The following UNC5C variants were observed in gnomAD, a reference collection of about 807,000 sequenced individuals.
UNC5C encodes netrin receptor UNC5C.
Under a neutral mutation model 99.8 loss-of-function variants are expected in UNC5C, and 47 were observed. The ratio of observed to expected loss-of-function variants is 0.47; its 90% CI spans 0.37 to 0.60. The LOEUF (loss-of-function observed/expected upper bound fraction) is 0.60. Ranked by LOEUF, UNC5C falls within the 20% of genes least tolerant of loss-of-function variation. The pLI is 0.00. For synonymous variants in UNC5C, 487 were observed against 452.2 expected (o/e 1.08, Z -0.98); for missense variants, 1,062 against 1,165.9 (o/e 0.91, Z 1.30).
At chr4:95,203,005 G>T (rs749625554) in intron 11 of UNC5C, 41 bp from the exon 12 acceptor site, 1 of 1,601,336 alleles carries the variant, frequency 6.2e-7, no homozygotes, top group Non-Finnish European at 8.5e-7. Context: ...AGTCACCCAG[G>T]ACGCATGCCG....
At chr4:95,494,044 C>T (rs546239718) in intron 1 of UNC5C, among the ~76,000 whole-genome samples, 1 of 151,478 alleles carries the variant, frequency 6.6e-6, no homozygotes, top group South Asian at 2.1e-4. Flanking sequence ...ATTAAAACTG[C>T]AGGAATCAGT....
At chr4:95,452,247 A>G (rs1329748825) in intron 1 of UNC5C, among the ~76,000 whole-genome samples, 1 of 133,936 alleles carries the variant, frequency 7.5e-6, no homozygotes, top group Non-Finnish European at 1.6e-5. Context: ...TTTGCATATA[A>G]CTTTCTGATA....
chr4:95,441,566 A>C (rs1746951445), intron 1 of UNC5C, among the ~76,000 whole-genome samples: 1 of 152,162 alleles, frequency 6.6e-6, no homozygotes, highest in African/African-American at 2.4e-5. Flanking sequence ...TCTTTATTCT[A>C]AGTAACTCTG....
Position 95,282,399 on chromosome 4 carries a change from T to C in UNC5C, c.491-4037A>G, listed in dbSNP as rs369653439. Among the ~76,000 whole-genome samples, 46 of 152,154 alleles carry C rather than the reference T, an allele frequency of 3.0e-4. No homozygotes were observed. The South Asian group carries it at 8.7e-3, about 29-fold the overall frequency. Reference sequence around the variant, plus strand: ...GAGGAGTGGCCAGGAAGTGGGGAAATGACCATTCTGGGTACTGTAGGGGCG... The same window carrying C: ...GAGGAGTGGCCAGGAAGTGGGGAAACGACCATTCTGGGTACTGTAGGGGCG... On this transcript the variant is annotated intron_variant, in intron 3 of 15. Transcript: ENST00000453304.
intron 1 of UNC5C, among the ~76,000 whole-genome samples, chr4:95,445,186 G>A (rs1338284025): frequency 6.6e-6 from 1 of 152,040 alleles, no homozygotes; most frequent in Non-Finnish European, 1.5e-5. Context: ...CAATTTTCAG[G>A]GGATGATTTG....
At chr4:95,257,209 C>A (rs563119000) in intron 4 of UNC5C, among the ~76,000 whole-genome samples, 1 of 152,120 alleles carries the variant, frequency 6.6e-6, no homozygotes, top group Non-Finnish European at 1.5e-5. Flanking sequence ...TTACAACCAG[C>A]CTGGACAACA....
intron 1 of UNC5C, among the ~76,000 whole-genome samples, chr4:95,433,621 G>A (rs917726538): frequency 1.2e-4 from 18 of 151,730 alleles, no homozygotes; most frequent in African/African-American, 3.4e-4. Flanking sequence ...CCCAAGAACC[G>A]TCCCAGTAAA....
chr4:95,410,223 C>T (rs981998275), intron 1 of UNC5C, among the ~76,000 whole-genome samples: 3 of 152,112 alleles, frequency 2.0e-5, no homozygotes, highest in African/African-American at 7.2e-5. Context: ...TGGACTGATG[C>T]ACCTCTTAAT....
intron 7 of UNC5C, among the ~76,000 whole-genome samples, chr4:95,226,177 T>C (rs1738681043): frequency 6.6e-6 from 1 of 152,218 alleles, no homozygotes; most frequent in African/African-American, 2.4e-5. Context: ...CAGTTAACTT[T>C]CCTGCTACTT....
chr4:95,414,123 C>T (rs910660415), intron 1 of UNC5C, among the ~76,000 whole-genome samples: 1 of 152,192 alleles, frequency 6.6e-6, no homozygotes, highest in African/African-American at 2.4e-5. Context: ...GTAAGTAAAT[C>T]TGAAATTAAG....
At chr4:95,274,226 C>A (rs59375003) in intron 4 of UNC5C, among the ~76,000 whole-genome samples, 1,805 of 152,122 alleles carry the variant, frequency 0.012, 36 homozygotes, top group African/African-American at 0.041. Context: ...GCCAGGTATT[C>A]GATGTGGAAA....
At chr4:95,492,250 A>C (rs1009099500) in intron 1 of UNC5C, among the ~76,000 whole-genome samples, 16 of 151,436 alleles carry the variant, frequency 1.1e-4, no homozygotes, top group African/African-American at 3.9e-4. Flanking sequence ...CCGAGTAGCC[A>C]AGATTATGAT....
intron 2 of UNC5C, among the ~76,000 whole-genome samples, chr4:95,320,785 A>G (rs1025868232): frequency 2.0e-5 from 3 of 152,178 alleles, no homozygotes; most frequent in African/African-American, 7.2e-5. Context: ...AAACACACAC[A>G]TGTGTGTCTG....
At chr4:95,185,587 G>T (rs1022297356) in intron 12 of UNC5C, among the ~76,000 whole-genome samples, 3 of 152,126 alleles carry the variant, frequency 2.0e-5, no homozygotes, top group Non-Finnish European at 4.4e-5. Context: ...TAAGAAAGTA[G>T]ATTTTCAATT....
At chr4:95,225,845 A>G (rs1738666476) in intron 7 of UNC5C, among the ~76,000 whole-genome samples, 1 of 152,158 alleles carries the variant, frequency 6.6e-6, no homozygotes, top group African/African-American at 2.4e-5. Flanking sequence ...ATCCCTGTAA[A>G]ACTTTTTCCA....
chr4:95,329,495 T>C (rs1023519349), intron 2 of UNC5C, among the ~76,000 whole-genome samples: 2 of 152,178 alleles, frequency 1.3e-5, no homozygotes, highest in African/African-American at 4.8e-5. Context: ...AAAGATTGTA[T>C]CAATTTAAAC....
At chr4:95,311,433 T>A (rs1742273054) in intron 2 of UNC5C, among the ~76,000 whole-genome samples, 1 of 152,252 alleles carries the variant, frequency 6.6e-6, no homozygotes, top group Non-Finnish European at 1.5e-5. Context: ...CATATTTGAA[T>A]GTATATTCCA....
chr4:95,219,259 G>T lies in UNC5C; in HGVS notation c.1355C>A (p.Pro452His). 1 of 1,614,184 alleles carries T rather than the reference G, an allele frequency of 6.2e-7. No homozygotes were observed. The highest frequency in any genetic ancestry group is 8.5e-7 in the Non-Finnish European group (1 of 1,180,014). ...LTSAAAMYRG[P>H]VYALHDVSDK... Reference sequence around the variant, plus strand: ...TGAGACGTCATGCAGGGCATAGACAGGTCCTCTGTACATGGCTGCAGCTGA... The same window carrying T: ...TGAGACGTCATGCAGGGCATAGACATGTCCTCTGTACATGGCTGCAGCTGA... The change falls in exon 9 of 16, where the codon CCT becomes CAT. Residue 452 changes from proline (P) to histidine (H), a missense_variant. Physicochemically the swap from Pro to His is moderately conservative, Grantham distance 77. This residue lies in a region of UNC5C where 810 missense variants were observed against 854.5 expected (regional missense o/e 0.95). Coordinates refer to ENST00000453304, the MANE Select transcript of UNC5C (RefSeq NM_003728.4).
At chr4:95,327,595 C>A (rs1307144463) in intron 2 of UNC5C, among the ~76,000 whole-genome samples, 1 of 152,042 alleles carries the variant, frequency 6.6e-6, no homozygotes, top group Non-Finnish European at 1.5e-5. Context: ...TAAATTTTAT[C>A]TCAGAGAGTT....
Sources: gnomAD v4.1 joint callset for allele counts (sites outside exome capture counted in the v4.1 genomes callset) on GRCh38, gnomAD v4.1.1 for gene constraint, gnomAD v4.1.1 regional missense constraint, MANE v1.5 for transcripts, NCBI Gene and HGNC (gene_info 2026-07-23, HGNC 2026-07-21) for gene names.